The following SYNE3 variants were observed in gnomAD, a reference collection of about 807,000 sequenced individuals.
SYNE3 encodes spectrin repeat containing nuclear envelope family member 3.
In SYNE3, 100 loss-of-function variants were observed where a neutral mutation model predicts 111.2. The ratio of observed to expected loss-of-function variants is 0.90; its 90% CI spans 0.77 to 1.06. The LOEUF is 1.06. Ranked by LOEUF, SYNE3 falls within the 50% of genes least tolerant of loss-of-function variation. The pLI, the probability that SYNE3 is intolerant of heterozygous loss-of-function variation, is 0.00. For missense variants in SYNE3, 1,160 were observed against 1,240.3 expected (o/e 0.94, Z 0.97); for synonymous variants, 547 against 533.9 (o/e 1.02, Z -0.34).
chr14:95,415,352 C>T lies in SYNE3; in HGVS notation c.*2474G>A, dbSNP rs1903548552. The T allele has an allele frequency of 6.9e-6, 1 of 144,694 alleles. No homozygotes were observed. The highest frequency in any genetic ancestry group is 1.5e-5 in the Non-Finnish European group (1 of 65,822). The allele number at this position is 144,694 out of a possible 1,614,324, so 9.0% of individuals were successfully genotyped here. ...CTGGGCTTGGCTGCCTGGGCTCACT[C>T]AGCTCCTGATTTTCCAGTAAGGTGG... On this transcript the variant is annotated 3_prime_UTR_variant, in exon 18 of 18. Coordinates refer to ENST00000682763, the MANE Select transcript of SYNE3 (RefSeq NM_152592.6).
At chr14:95,437,252 C>T (rs537641159) in intron 14 of SYNE3, among the ~76,000 whole-genome samples, 1 of 152,390 alleles carries the variant, frequency 6.6e-6, no homozygotes, top group African/African-American at 2.4e-5. Flanking sequence ...AATAGTCACC[C>T]TTCCACCATG....
At chr14:95,431,069 G>A (rs139381107) in intron 17 of SYNE3, among the ~76,000 whole-genome samples, 1,612 of 152,332 alleles carry the variant, frequency 0.011, 7 homozygotes, top group Admixed American at 0.015. Context: ...GAGATCTCAA[G>A]GAACTCAGAG....
intron 7 of SYNE3, 172 bp from the exon 8 acceptor site, chr14:95,450,277 G>T: frequency 1.3e-6 from 1 of 769,650 alleles, no homozygotes; most frequent in Non-Finnish European, 2.0e-6. Flanking sequence ...GATGTAGCTG[G>T]AAGGGACTTT....
Position 95,450,001 on chromosome 14 carries a change from TG to T in SYNE3, c.1378del (p.Gln460SerfsTer27). On this transcript the variant is annotated frameshift_variant, in exon 8 of 18. Coordinates refer to ENST00000682763, the MANE Select transcript of SYNE3 (RefSeq NM_152592.6). LOFTEE classifies it high-confidence loss of function. ...QDLQLWKALA[Q>X]RLLEVTASLP... ...GCTGGCAGTGACCTCCAAGAGCCGC[TG>T]GGCCAGGGCCTTCCACAGCTGCAGA... The T allele has an allele frequency of 6.4e-7, 1 of 1,555,534 alleles. No individual in the cohort carries two copies. Among genetic ancestry groups the T allele is most frequent in the Non-Finnish European group, 8.7e-7 (1 of 1,149,410 alleles).
intron 8 of SYNE3, among the ~76,000 whole-genome samples, chr14:95,448,941 C>G (rs769025686): frequency 6.6e-6 from 1 of 152,204 alleles, no homozygotes; most frequent in Non-Finnish European, 1.5e-5. Context: ...TTCTTCTTCA[C>G]ACACCTTTAC....
At chr14:95,502,423 C>T (rs1465494734) in intron 1 of SYNE3, among the ~76,000 whole-genome samples, 5 of 152,122 alleles carry the variant, frequency 3.3e-5, no homozygotes, top group African/African-American at 1.2e-4. Context: ...GCCTGTGTGT[C>T]CTGCCTTTGA....
chr14:95,431,517 G>A (rs1396620422), intron 17 of SYNE3, among the ~76,000 whole-genome samples: 2 of 152,168 alleles, frequency 1.3e-5, no homozygotes, highest in Non-Finnish European at 2.9e-5. Context: ...CATTGTTGTC[G>A]TTATTACTGC....
At chr14:95,418,092 G>C in intron 17 of SYNE3, 66 bp from the exon 18 acceptor site, 1 of 1,556,126 alleles carries the variant, frequency 6.4e-7, no homozygotes, top group Non-Finnish European at 8.8e-7. Flanking sequence ...CAGGTTCAGG[G>C]GGCGAGGAGG....
intron 1 of SYNE3, among the ~76,000 whole-genome samples, chr14:95,489,497 G>A (rs940240606): frequency 1.3e-5 from 2 of 152,190 alleles, no homozygotes; most frequent in Non-Finnish European, 2.9e-5. Flanking sequence ...ATCACAACAC[G>A]TGGCACTTAC....
chr14:95,432,790 T>C (rs1211315376), intron 16 of SYNE3, among the ~76,000 whole-genome samples: 2 of 151,980 alleles, frequency 1.3e-5, no homozygotes, highest in African/African-American at 4.8e-5. Flanking sequence ...GCCACTCCAG[T>C]GCTTCCCCAG....
At chr14:95,472,480 G>A (rs1016671835) in intron 2 of SYNE3, among the ~76,000 whole-genome samples, 2 of 152,222 alleles carry the variant, frequency 1.3e-5, no homozygotes, top group Non-Finnish European at 2.9e-5. Context: ...TTGGTATGCT[G>A]TGTATCCCAG....
intron 17 of SYNE3, among the ~76,000 whole-genome samples, chr14:95,426,628 C>T (rs1307742802): frequency 6.6e-6 from 1 of 151,764 alleles, no homozygotes; most frequent in Non-Finnish European, 1.5e-5. Context: ...ACCCAGGTGC[C>T]GAGGAAAGAG....
At chr14:95,436,358 G>A (rs887402437) in intron 15 of SYNE3, among the ~76,000 whole-genome samples, 2 of 152,290 alleles carry the variant, frequency 1.3e-5, no homozygotes, top group Admixed American at 6.5e-5. Context: ...TATACGAGAT[G>A]TGTAGTCCAT....
At chr14:95,458,574 T>C (rs1887604401) in intron 4 of SYNE3, among the ~76,000 whole-genome samples, 1 of 152,014 alleles carries the variant, frequency 6.6e-6, no homozygotes, top group African/African-American at 2.4e-5. Context: ...CCAGGCCCCC[T>C]TCTCACTCTG....
At chr14:95,478,284 C>T (rs1023648399) in intron 1 of SYNE3, among the ~76,000 whole-genome samples, 1 of 152,194 alleles carries the variant, frequency 6.6e-6, no homozygotes, top group Admixed American at 6.5e-5. Flanking sequence ...AATAAGCAGA[C>T]AGCAGACACT....
chr14:95,474,523 C>G (rs1302084590), intron 2 of SYNE3, among the ~76,000 whole-genome samples: 1 of 152,178 alleles, frequency 6.6e-6, no homozygotes, highest in African/African-American at 2.4e-5. Flanking sequence ...GTGAAGGGAG[C>G]ACAGCAGAGA....
At chr14:95,452,886 C>G (rs1241647780) in intron 6 of SYNE3, among the ~76,000 whole-genome samples, 1 of 152,134 alleles carries the variant, frequency 6.6e-6, no homozygotes, top group East Asian at 1.9e-4. Context: ...GCTTTGTGAA[C>G]CCGGTTATTA....
chr14:95,501,574 T>G (rs941622250), intron 1 of SYNE3, among the ~76,000 whole-genome samples: 1 of 151,982 alleles, frequency 6.6e-6, no homozygotes, highest in African/African-American at 2.4e-5. Context: ...CAGGCCCGAT[T>G]AGGGAGCTCA....
At chr14:95,496,928 C>G (rs1392430057) in intron 1 of SYNE3, among the ~76,000 whole-genome samples, 4 of 152,246 alleles carry the variant, frequency 2.6e-5, no homozygotes, top group Admixed American at 2.6e-4. Flanking sequence ...TGGTATTTTT[C>G]TGATCCGGAG....
Sources: gnomAD v4.1 joint callset for allele counts (sites outside exome capture counted in the v4.1 genomes callset) on GRCh38, gnomAD v4.1.1 for gene constraint, MANE v1.5 for transcripts, NCBI Gene and HGNC (gene_info 2026-07-23, HGNC 2026-07-21) for gene names.